The following MYO6 variants were observed in gnomAD, a reference collection of about 807,000 sequenced individuals.
The protein encoded by MYO6 is unconventional myosin-VI.
A neutral mutation model predicts 178.7 loss-of-function variants in MYO6; 74 were observed. That is an observed-to-expected ratio of 0.41 (90% confidence interval 0.34 to 0.50). The LOEUF is 0.50. MYO6 is among the 20% of genes least tolerant of loss of function. The pLI is 0.09. For synonymous variants in MYO6, 477 were observed against 504.6 expected (o/e 0.95, Z 0.73); for missense variants, 1,330 against 1,547.4 (o/e 0.86, Z 2.36).
intron 1 of MYO6, among the ~76,000 whole-genome samples, chr6:75,811,148 A>G (rs1444289339): frequency 2.6e-5 from 4 of 152,032 alleles, no homozygotes; most frequent in Admixed American, 6.6e-5. Context: ...TTTTCCATCA[A>G]TATGGAGTTT....
chr6:75,899,793 G>C (rs1779596068), intron 30 of MYO6, among the ~76,000 whole-genome samples: 1 of 148,102 alleles, frequency 6.8e-6, no homozygotes, highest in Non-Finnish European at 1.5e-5. Context: ...GTGCAGGTTA[G>C]TTACATATGT....
Position 75,886,112 on chromosome 6 carries a change from T to A in MYO6, c.2507+18T>A. ...AAACCTCGGTAAGATGAATAGTTCC[T>A]AAAAAGAACTCTACAAAACCTAGTT... On this transcript the variant is annotated intron_variant, in intron 24 of 34. Coordinates refer to ENST00000369977, the MANE Select transcript of MYO6 (RefSeq NM_004999.4). 1 of 1,531,618 alleles carries A rather than the reference T, an allele frequency of 6.5e-7. No individual in the cohort carries two copies. The highest frequency in any genetic ancestry group is 9.0e-7 in the Non-Finnish European group (1 of 1,106,494). 94.9% of individuals were successfully genotyped at this position (1,531,618 alleles called of 1,614,324 possible).
At chr6:75,900,731 A>T (rs1177367073) in intron 30 of MYO6, among the ~76,000 whole-genome samples, 4 of 151,876 alleles carry the variant, frequency 2.6e-5, no homozygotes, top group African/African-American at 9.7e-5. Context: ...GAAGCTCTTT[A>T]GTTTAATTAG....
chr6:75,848,580 T>TTAAA, intron 11 of MYO6, 49 bp downstream of exon 11: 1 of 1,570,782 alleles, frequency 6.4e-7, no homozygotes, highest in South Asian at 1.2e-5. Flanking sequence ...AGAATTTCTG[T>TTAAA]TATTTATTTG....
At chr6:75,844,428 T>C (rs533556680) in intron 9 of MYO6, among the ~76,000 whole-genome samples, 39 of 152,274 alleles carry the variant, frequency 2.6e-4, no homozygotes, top group African/African-American at 8.4e-4. Flanking sequence ...TTTAAAAAAC[T>C]GACTCTAAAA....
chr6:75,802,190 T>C (rs888707279), intron 1 of MYO6, among the ~76,000 whole-genome samples: 2 of 152,056 alleles, frequency 1.3e-5, no homozygotes, highest in African/African-American at 4.8e-5. Context: ...TTTCTTTGGC[T>C]GGGCATGGTG....
chr6:75,859,834 A>G (rs1776052302), intron 14 of MYO6, among the ~76,000 whole-genome samples: 1 of 151,746 alleles, frequency 6.6e-6, no homozygotes. Flanking sequence ...TAATTTTTAT[A>G]TTTTTAGTAG....
At chr6:75,766,687 T>C (rs756636489) in intron 1 of MYO6, among the ~76,000 whole-genome samples, 31 of 152,214 alleles carry the variant, frequency 2.0e-4, no homozygotes, top group Non-Finnish European at 2.4e-4. Flanking sequence ...TTTTCCAGCA[T>C]GATGAACACC....
At chr6:75,845,111 C>T (rs1292215638) in intron 10 of MYO6, 134 bp downstream of exon 10, 3 of 715,870 alleles carry the variant, frequency 4.2e-6, no homozygotes, top group Non-Finnish European at 7.3e-6. Context: ...ATTAAATATT[C>T]ATCTAAGTCT....
intron 1 of MYO6, among the ~76,000 whole-genome samples, chr6:75,772,368 G>T (rs1346090418): frequency 6.6e-6 from 1 of 151,776 alleles, no homozygotes; most frequent in African/African-American, 2.4e-5. Flanking sequence ...CTTCTCATTC[G>T]CATAGATAAT....
At chr6:75,829,215 A>G (rs1772816659) in intron 4 of MYO6, among the ~76,000 whole-genome samples, 1 of 152,182 alleles carries the variant, frequency 6.6e-6, no homozygotes, top group Non-Finnish European at 1.5e-5. Context: ...CTTTCAGTGT[A>G]AATAGTCAAG....
intron 1 of MYO6, among the ~76,000 whole-genome samples, chr6:75,800,612 T>C (rs997028790): frequency 6.6e-6 from 1 of 152,202 alleles, no homozygotes; most frequent in Non-Finnish European, 1.5e-5. Flanking sequence ...CAGTTTAGGA[T>C]ATGAAAAGTT....
intron 22 of MYO6, 148 bp downstream of exon 22, chr6:75,880,268 C>A: frequency 8.8e-6 from 6 of 681,240 alleles, no homozygotes; most frequent in African/African-American, 3.7e-5. Context: ...TACCATTTCT[C>A]AGAAAAGAAA....
At chr6:75,867,149 A>C in intron 18 of MYO6, 44 bp downstream of exon 18, 1 of 1,438,486 alleles carries the variant, frequency 7.0e-7, no homozygotes, top group South Asian at 1.3e-5. Context: ...TTTAAAATGA[A>C]ATTATTGTTT....
At chr6:75,847,953 A>G (rs1417644270) in intron 10 of MYO6, among the ~76,000 whole-genome samples, 1 of 152,090 alleles carries the variant, frequency 6.6e-6, no homozygotes, top group Non-Finnish European at 1.5e-5. Context: ...AAATGAATAT[A>G]TTTATCATTA....
chr6:75,876,175 T>C (rs188745062), intron 20 of MYO6, among the ~76,000 whole-genome samples: 1 of 152,292 alleles, frequency 6.6e-6, no homozygotes, highest in African/African-American at 2.4e-5. Flanking sequence ...TTTCTTGATA[T>C]TCCTGACATG....
chr6:75,810,706 A>G (rs541031304), intron 1 of MYO6, among the ~76,000 whole-genome samples: 2 of 152,258 alleles, frequency 1.3e-5, no homozygotes, highest in East Asian at 3.9e-4. Flanking sequence ...CGGGGAGTCT[A>G]TCTAAATTGA....
At chr6:75,772,299 A>C (rs946312075) in intron 1 of MYO6, among the ~76,000 whole-genome samples, 1 of 152,106 alleles carries the variant, frequency 6.6e-6, no homozygotes, top group East Asian at 1.9e-4. Flanking sequence ...CCATTTGATC[A>C]TTGATGTGAG....
intron 1 of MYO6, among the ~76,000 whole-genome samples, chr6:75,813,057 AT>A (rs1217942727): frequency 6.6e-6 from 1 of 152,182 alleles, no homozygotes; most frequent in Admixed American, 6.5e-5. Context: ...TGGTTTTACA[AT>A]TATAGTTTTA....
Sources: gnomAD v4.1 joint callset for allele counts (sites outside exome capture counted in the v4.1 genomes callset) on GRCh38, gnomAD v4.1.1 for gene constraint, MANE v1.5 for transcripts, NCBI Gene and HGNC (gene_info 2026-07-23, HGNC 2026-07-21) for gene names.